Variants in SH3D19 observed in about 807,000 individuals in gnomAD.
SH3D19 encodes the protein SH3 domain-containing protein 19.
Under a neutral mutation model 112.1 loss-of-function variants are expected in SH3D19, and 58 were observed. The observed-to-expected ratio is 0.52, with a 90% CI of 0.42 to 0.64. The LOEUF is 0.64. SH3D19 is among the 30% of genes least tolerant of loss of function. SH3D19 has a pLI of 0.00. For missense variants in SH3D19, 1,090 were observed against 1,263.4 expected, an observed-to-expected ratio of 0.86 and a Z score of 2.08; for synonymous variants, 391 against 448.5, an observed-to-expected ratio of 0.87 and a Z score of 1.62.
intron 2 of SH3D19, among the ~76,000 whole-genome samples, chr4:151,209,127 T>TA (rs767878831): frequency 1.4e-4 from 21 of 152,210 alleles, no homozygotes; most frequent in Non-Finnish European, 2.8e-4. Flanking sequence ...AAAGAAAGAT[T>TA]AAGAAACTTT....
rs564155535 is a variant in SH3D19, at chr4:151,234,842, G to T, written c.113-8756C>A. ...GGCTCACTGCAGCCTCGACCTCCTG[G>T]GCTCAGGAGATCCCACCTCGCCTCC... On this transcript the variant is annotated intron_variant, in intron 1 of 19. Transcript: ENST00000604030. 1.7e-3 allele frequency among the ~76,000 whole-genome samples: 242 copies of T among 145,240 alleles called. 1 individual carries two copies. Among genetic ancestry groups the T allele is most frequent in the Non-Finnish European group, 2.8e-3 (187 of 67,120 alleles).
At chr4:151,262,346 C>G (rs1372388853) in intron 1 of SH3D19, 1 of 152,246 alleles carries the variant, frequency 6.6e-6, no homozygotes, top group Non-Finnish European at 1.5e-5. Flanking sequence ...ACTGAAGGAG[C>G]TGAAAGTGCC....
chr4:151,140,694 C>G (rs905812146), intron 12 of SH3D19: 6 of 152,212 alleles, frequency 3.9e-5, no homozygotes, highest in African/African-American at 1.4e-4. Context: ...CACTGGCAAG[C>G]CTGTGAAATA....
chr4:151,206,400 C>G (rs529723518), intron 2 of SH3D19, among the ~76,000 whole-genome samples: 1 of 152,224 alleles, frequency 6.6e-6, no homozygotes, highest in South Asian at 2.1e-4. Flanking sequence ...TGGCATAGAT[C>G]TGATGTCAGT....
intron 3 of SH3D19, among the ~76,000 whole-genome samples, chr4:151,184,944 C>T (rs184615418): frequency 6.6e-6 from 1 of 151,924 alleles, no homozygotes; most frequent in Non-Finnish European, 1.5e-5. Flanking sequence ...TTCTCAGCAC[C>T]TTTTGCTTGG....
intron 1 of SH3D19, among the ~76,000 whole-genome samples, chr4:151,257,641 G>A (rs1190450579): frequency 6.6e-6 from 1 of 152,082 alleles, no homozygotes; most frequent in Non-Finnish European, 1.5e-5. Flanking sequence ...CCGTGGCTGG[G>A]TGCGGTGGCT....
In SH3D19 at chr4:151,162,353, G is replaced by A. The variant is rs183328681; in HGVS notation, c.1643-3001C>T. On this transcript the variant is annotated intron_variant, in intron 8 of 19. Coordinates refer to ENST00000604030, the MANE Select transcript of SH3D19 (RefSeq NM_001378122.1). ...CATTCTTTTTTATGGCTGCAGCCCG[G>A]CTAATTTTTATATTTTTAGAAGAGA... Among the ~76,000 whole-genome samples, 1,061 of 152,166 alleles carry A rather than the reference G, an allele frequency of 7.0e-3. 7 individuals are homozygous for A. The highest frequency in any genetic ancestry group is 0.011 in the Non-Finnish European group (755 of 67,994).
chr4:151,188,903 C>T (rs1368948568), intron 2 of SH3D19, among the ~76,000 whole-genome samples: 3 of 151,942 alleles, frequency 2.0e-5, no homozygotes, highest in Admixed American at 2.0e-4. Flanking sequence ...TTGGATGGGC[C>T]CCAATCCAAC....
intron 1 of SH3D19, among the ~76,000 whole-genome samples, chr4:151,288,044 T>C (rs1204994090): frequency 2.2e-4 from 3 of 13,618 alleles, no homozygotes; most frequent in Non-Finnish European, 1.4e-3. Flanking sequence ...TCAATAAATA[T>C]GGAAAAAAAT....
intron 2 of SH3D19, among the ~76,000 whole-genome samples, chr4:151,219,781 G>A (rs1198924311): frequency 2.0e-5 from 3 of 152,080 alleles, no homozygotes; most frequent in Admixed American, 6.5e-5. Context: ...TGCTTCCGAT[G>A]TATTCATGTA....
chr4:151,212,907 A>G (rs1766200528), intron 2 of SH3D19, among the ~76,000 whole-genome samples: 1 of 152,264 alleles, frequency 6.6e-6, no homozygotes, highest in Non-Finnish European at 1.5e-5. Flanking sequence ...GGAGGAGGGC[A>G]ACGTAACAAC....
chr4:151,248,161 G>C (rs767521564), intron 1 of SH3D19, among the ~76,000 whole-genome samples: 14 of 151,772 alleles, frequency 9.2e-5, no homozygotes, highest in Non-Finnish European at 1.8e-4. Context: ...ATGGGATCTT[G>C]CTATGTTGCC....
chr4:151,313,884 C>T (rs956964167), intron 1 of SH3D19, among the ~76,000 whole-genome samples: 6 of 152,032 alleles, frequency 3.9e-5, no homozygotes, highest in South Asian at 2.1e-4. Flanking sequence ...TGGGGGCCTT[C>T]GAGTGTTATG....
chr4:151,163,891 G>C (rs1015846039), intron 8 of SH3D19, among the ~76,000 whole-genome samples: 1 of 152,038 alleles, frequency 6.6e-6, no homozygotes, highest in African/African-American at 2.4e-5. Flanking sequence ...CCTACCACTG[G>C]TTTTTAAATC....
chr4:151,294,106 C>T (rs1775540832), intron 1 of SH3D19, among the ~76,000 whole-genome samples: 1 of 152,164 alleles, frequency 6.6e-6, no homozygotes, highest in African/African-American at 2.4e-5. Context: ...GTCTAATTAA[C>T]ATATGTCTAT....
chr4:151,210,127 A>T (rs992036333), intron 2 of SH3D19, among the ~76,000 whole-genome samples: 5 of 152,204 alleles, frequency 3.3e-5, no homozygotes, highest in African/African-American at 1.2e-4. Context: ...GGTAGTATAT[A>T]TGAAAAGTCT....
At chr4:151,147,850 A>G in intron 11 of SH3D19, 72 bp downstream of exon 11, 1 of 1,488,238 alleles carries the variant, frequency 6.7e-7, no homozygotes, top group Non-Finnish European at 9.0e-7. Context: ...TCTTTTTCTA[A>G]GGAATGATGA....
intron 15 of SH3D19, among the ~76,000 whole-genome samples, chr4:151,134,413 A>G (rs1419336368): frequency 3.3e-5 from 5 of 152,264 alleles, no homozygotes; most frequent in Non-Finnish European, 7.3e-5. Flanking sequence ...TCAGAGATAA[A>G]GGAAAACCCC....
At chr4:151,138,924 T>C (rs944394090) in intron 13 of SH3D19, among the ~76,000 whole-genome samples, 6 of 152,186 alleles carry the variant, frequency 3.9e-5, no homozygotes, top group Non-Finnish European at 5.9e-5. Flanking sequence ...GCCTCCCAGG[T>C]TCAAGTGATT....
Sources: gnomAD v4.1 joint callset for allele counts (sites outside exome capture counted in the v4.1 genomes callset) on GRCh38, gnomAD v4.1.1 for gene constraint, MANE v1.5 for transcripts, NCBI Gene and HGNC (gene_info 2026-07-23, HGNC 2026-07-21) for gene names.